The following EPHB1 variants were observed in gnomAD, a reference collection of about 807,000 sequenced individuals.
EPHB1 encodes ephrin type-B receptor 1.
In EPHB1, 30 loss-of-function variants were observed where a neutral mutation model predicts 94.4. That is an observed-to-expected ratio of 0.32 (90% CI 0.24 to 0.43). The LOEUF (loss-of-function observed/expected upper bound fraction) is 0.43, where lower values mean the gene tolerates loss of function less well. EPHB1 is among the 20% of genes least tolerant of loss of function. The pLI is 1.00. For synonymous variants in EPHB1, 522 were observed against 489.1 expected (o/e 1.07, Z -0.89); for missense variants, 1,055 against 1,308.3 (o/e 0.81, Z 2.99).
At chr3:134,897,507 ATCTTT>A (rs1416823971) in intron 1 of EPHB1, among the ~76,000 whole-genome samples, 1 of 152,152 alleles carries the variant, frequency 6.6e-6, no homozygotes, top group Non-Finnish European at 1.5e-5. Context: ...TTCTGGCACC[ATCTTT>A]TCTTCTGCCC....
At chr3:135,215,144 TAC>T (rs1943117095) in intron 12 of EPHB1, among the ~76,000 whole-genome samples, 1 of 152,044 alleles carries the variant, frequency 6.6e-6, no homozygotes, top group South Asian at 2.1e-4. Flanking sequence ...ATGGCAGATG[TAC>T]AGTTTTCTTT....
rs1932969707 is a variant in EPHB1, at chr3:135,249,371, A to G, written c.2726A>G (p.Asp909Gly). Residue 909 changes from aspartate (D) to glycine (G), a missense_variant, in exon 15 of 16, where the codon GAC becomes GGC. Physicochemically the swap from Asp to Gly is moderately conservative, Grantham distance 94. Coordinates refer to ENST00000398015, the MANE Select transcript of EPHB1 (RefSeq NM_004441.5). The stretch of plus-strand genomic sequence containing the variant: ...CCCCTGCTCGACCGCTCCATCCCAG[A>G]CTTCACGGCCTTTACCACCGTGGAT... ...SQPLLDRSIP[D>G]FTAFTTVDDW... The G allele has an allele frequency of 1.9e-6, 3 of 1,613,638 alleles. No individual in the cohort carries two copies. The highest frequency in any genetic ancestry group is 2.5e-6 in the Non-Finnish European group (3 of 1,179,826).
chr3:135,083,040 G>A (rs747117124), intron 3 of EPHB1, among the ~76,000 whole-genome samples: 1 of 152,202 alleles, frequency 6.6e-6, no homozygotes, highest in Non-Finnish European at 1.5e-5. Context: ...GCCAGGCAGA[G>A]GAAGCCAGAA....
At chr3:134,868,099 A>G (rs1457827961) in intron 1 of EPHB1, among the ~76,000 whole-genome samples, 5 of 152,206 alleles carry the variant, frequency 3.3e-5, no homozygotes, top group South Asian at 4.1e-4. Context: ...AAGATACCCA[A>G]TTCTACTTAA....
At chr3:135,060,364 T>A (rs1293066058) in intron 3 of EPHB1, among the ~76,000 whole-genome samples, 1 of 152,234 alleles carries the variant, frequency 6.6e-6, no homozygotes, top group African/African-American at 2.4e-5. Context: ...ACTTTATTCC[T>A]TTCTGTGACT....
intron 1 of EPHB1, among the ~76,000 whole-genome samples, chr3:134,833,688 C>T (rs2036619259): frequency 6.6e-6 from 1 of 152,052 alleles, no homozygotes; most frequent in African/African-American, 2.4e-5. Context: ...CTGGCCAGGC[C>T]TGAGGGTGTC....
chr3:134,920,385 A>C (rs530754773), intron 1 of EPHB1, among the ~76,000 whole-genome samples: 23 of 152,286 alleles, frequency 1.5e-4, no homozygotes, highest in African/African-American at 5.3e-4. Flanking sequence ...GCTATTTCAT[A>C]GTGTGGCTTT....
chr3:134,827,171 G>A (rs755023646), intron 1 of EPHB1, among the ~76,000 whole-genome samples: 9 of 152,222 alleles, frequency 5.9e-5, no homozygotes, highest in South Asian at 2.1e-4. Flanking sequence ...ATGAGGAGAC[G>A]GAGGTTTGTA....
At chr3:134,960,269 A>G (rs1933460913) in intron 3 of EPHB1, among the ~76,000 whole-genome samples, 1 of 152,070 alleles carries the variant, frequency 6.6e-6, no homozygotes, top group African/African-American at 2.4e-5. Context: ...TGGAGAAGGA[A>G]TGCACCTCAA....
intron 3 of EPHB1, among the ~76,000 whole-genome samples, chr3:134,987,593 A>G (rs1052784820): frequency 8.5e-5 from 13 of 152,102 alleles, no homozygotes; most frequent in Non-Finnish European, 1.5e-4. Context: ...CCTCGTCTCT[A>G]CTAAAAATGC....
chr3:134,983,413 TC>T (rs1648340952), intron 3 of EPHB1, among the ~76,000 whole-genome samples: 6 of 152,376 alleles, frequency 3.9e-5, no homozygotes, highest in Admixed American at 3.9e-4. Flanking sequence ...TGTAAAATAT[TC>T]ACCTCTTCAG....
At chr3:134,880,808 C>T (rs1382655042) in intron 1 of EPHB1, among the ~76,000 whole-genome samples, 3 of 152,248 alleles carry the variant, frequency 2.0e-5, no homozygotes, top group Non-Finnish European at 4.4e-5. Flanking sequence ...TGATGAGAAT[C>T]CCAAGTGTGT....
intron 3 of EPHB1, among the ~76,000 whole-genome samples, chr3:135,055,161 C>T (rs187292563): frequency 2.6e-5 from 4 of 152,280 alleles, no homozygotes; most frequent in African/African-American, 7.2e-5. Context: ...GCCCATTTGG[C>T]GGTCTACCTT....
chr3:135,216,117 C>T (rs745467661), intron 12 of EPHB1, among the ~76,000 whole-genome samples: 1 of 152,184 alleles, frequency 6.6e-6, no homozygotes, highest in Non-Finnish European at 1.5e-5. Flanking sequence ...GGTGGCAACA[C>T]CTGTGCTGTG....
At chr3:135,189,097 A>G (rs1340625193) in intron 10 of EPHB1, among the ~76,000 whole-genome samples, 1 of 152,256 alleles carries the variant, frequency 6.6e-6, no homozygotes, top group Non-Finnish European at 1.5e-5. Context: ...AAAATTAAAT[A>G]ACGTTTCCCA....
chr3:134,993,302 G>A (rs1934879904), intron 3 of EPHB1, among the ~76,000 whole-genome samples: 1 of 152,170 alleles, frequency 6.6e-6, no homozygotes. Flanking sequence ...GGCCTCAGAG[G>A]GGACAGCTAA....
intron 3 of EPHB1, among the ~76,000 whole-genome samples, chr3:135,033,437 T>C (rs980067031): frequency 6.6e-6 from 1 of 152,210 alleles, no homozygotes; most frequent in Non-Finnish European, 1.5e-5. Context: ...CTCTCTCTGA[T>C]ATGTGTATTC....
intron 3 of EPHB1, among the ~76,000 whole-genome samples, chr3:135,020,542 A>G (rs1336344511): frequency 6.6e-6 from 1 of 152,152 alleles, no homozygotes; most frequent in Non-Finnish European, 1.5e-5. Flanking sequence ...GCCTTTTATA[A>G]TTGGTTTCTT....
intron 12 of EPHB1, among the ~76,000 whole-genome samples, chr3:135,240,338 A>T (rs551026257): frequency 6.6e-6 from 1 of 152,138 alleles, no homozygotes; most frequent in African/African-American, 2.4e-5. Flanking sequence ...GAGTGGATAG[A>T]TGTGAATCCC....
Sources: gnomAD v4.1 joint callset for allele counts (sites outside exome capture counted in the v4.1 genomes callset) on GRCh38, gnomAD v4.1.1 for gene constraint, MANE v1.5 for transcripts, NCBI Gene and HGNC (gene_info 2026-07-23, HGNC 2026-07-21) for gene names.